Variants in LCA5L observed in about 807,000 individuals in gnomAD.
LCA5L encodes lebercilin-like protein.
In LCA5L, 35 loss-of-function variants were observed where a neutral mutation model predicts 45.4. The observed-to-expected ratio is 0.77, with a 90% CI of 0.59 to 1.02. The LOEUF (loss-of-function observed/expected upper bound fraction) is 1.02. Among genes scored for constraint, LCA5L ranks in the 50% least tolerant of loss-of-function variants. The pLI, the probability that LCA5L is intolerant of heterozygous loss-of-function variation, is 0.00. For missense variants in LCA5L, 668 were observed against 761.6 expected, an observed-to-expected ratio of 0.88 and a Z score of 1.45; for synonymous variants, 233 against 264.7, an observed-to-expected ratio of 0.88 and a Z score of 1.16.
At chr21:39,425,560 A>G (rs926208929) in intron 5 of LCA5L, among the ~76,000 whole-genome samples, 1 of 152,166 alleles carries the variant, frequency 6.6e-6, no homozygotes, top group Non-Finnish European at 1.5e-5. Flanking sequence ...CCTCTAGGAC[A>G]TCTACTAGAA....
At chr21:39,423,529 A>G in intron 5 of LCA5L, 39 bp from the exon 6 acceptor site, 1 of 1,496,952 alleles carries the variant, frequency 6.7e-7, no homozygotes, top group South Asian at 1.3e-5. Context: ...CTAGTAAAAT[A>G]TACAGATATG....
chr21:39,441,260 C>T (rs1050546100), intron 2 of LCA5L, among the ~76,000 whole-genome samples: 3 of 152,094 alleles, frequency 2.0e-5, no homozygotes, highest in Non-Finnish European at 4.4e-5. Flanking sequence ...GAGCTGTGAT[C>T]GCACAACTAC....
intron 1 of LCA5L, chr21:39,445,398 G>C (rs2077370035): frequency 6.6e-6 from 1 of 152,268 alleles, no homozygotes; most frequent in African/African-American, 2.4e-5. Flanking sequence ...CGGTGAGATC[G>C]GCCTCCGCCC....
chr21:39,427,015 C>A (rs2074841669), intron 5 of LCA5L, among the ~76,000 whole-genome samples: 2 of 152,322 alleles, frequency 1.3e-5, no homozygotes, highest in East Asian at 1.9e-4. Flanking sequence ...AATCCCTGTG[C>A]TATAGCAGGG....
At position 39,406,301 on chromosome 21, in the gene LCA5L, T is replaced by G; in HGVS notation, c.1594A>C (p.Asn532His). Residue 532 changes from asparagine to histidine, a missense_variant, in exon 11 of 11, where the codon AAC becomes CAC. Asn to His is a moderately conservative substitution (Grantham distance 68). Transcript: ENST00000288350. Reference sequence around the variant, plus strand: ...GAAGCAGGAAGCCCATGATGCAGGTTTTCAGTTGCTTCTGTGAATGAGTAA... The same window carrying G: ...GAAGCAGGAAGCCCATGATGCAGGTGTTCAGTTGCTTCTGTGAATGAGTAA... ...RHYSFTEATE[N>H]LHHGLPASGG... 1 of 1,614,220 alleles carries G rather than the reference T, an allele frequency of 6.2e-7. No individual in the cohort carries two copies. Among genetic ancestry groups the G allele is most frequent in the South Asian group, 1.1e-5 (1 of 91,086 alleles).
In LCA5L at chr21:39,423,293, A is replaced by C; in HGVS notation, c.520T>G (p.Phe174Val). Residue 174 changes from phenylalanine to valine, a missense_variant, in exon 6 of 11, where the codon TTT (phenylalanine) becomes GTT (valine). Physicochemically the swap from Phe to Val is conservative, Grantham distance 50 (BLOSUM62 -1). Coordinates refer to ENST00000288350, the MANE Select transcript of LCA5L (RefSeq NM_152505.4). The stretch of plus-strand genomic sequence containing the variant: ...TGCCTAAGCTGAAGTTGTTTCAAAA[A>C]TTGGTTTTCTGTAAGGATGGCTTCC... Reference protein sequence around the residue: ...KLEAILTENQFLKQLQLRHLK... With the variant: ...KLEAILTENQVLKQLQLRHLK... The C allele has an allele frequency of 6.2e-7, 1 of 1,608,920 alleles. No homozygotes were observed. Among genetic ancestry groups the C allele is most frequent in the Non-Finnish European group, 8.5e-7 (1 of 1,178,574 alleles).
chr21:39,441,205 A>T (rs1345580494), intron 2 of LCA5L, among the ~76,000 whole-genome samples: 1 of 152,078 alleles, frequency 6.6e-6, no homozygotes, highest in East Asian at 1.9e-4. Context: ...AGTCCCAGCC[A>T]CTCAGGAGGC....
intron 8 of LCA5L, chr21:39,411,105 C>T (rs1198018720): frequency 3.0e-6 from 1 of 336,766 alleles, no homozygotes; most frequent in Admixed American, 4.1e-5. Flanking sequence ...TGAACAAAAG[C>T]AGCCAGATAC....
chr21:39,419,536 G>T (rs74693568), intron 7 of LCA5L, among the ~76,000 whole-genome samples: 1 of 129,014 alleles, frequency 7.8e-6, no homozygotes, highest in Admixed American at 7.7e-5. Context: ...AAAAAAAAAA[G>T]AAAAAAGAAA....
rs1261782060 is a variant in LCA5L, at chr21:39,406,614, T to C, written c.1283-2A>G. 5 of 1,560,438 alleles carry C rather than the reference T, an allele frequency of 3.2e-6. No individual in the cohort carries two copies. The highest frequency in any genetic ancestry group is 4.3e-6 in the Non-Finnish European group (5 of 1,158,146). On this transcript the variant is annotated splice_acceptor_variant, in intron 10 of 10. Coordinates refer to ENST00000288350, the MANE Select transcript of LCA5L (RefSeq NM_152505.4). LOFTEE classifies it high-confidence loss of function. ...AATGTTTCTCTTCCCCTGATAAATC[T>C]ATATTAGAAAAATAGGCAATTTAGT...
At chr21:39,417,754 A>G (rs1234437426) in intron 7 of LCA5L, among the ~76,000 whole-genome samples, 1 of 151,762 alleles carries the variant, frequency 6.6e-6, no homozygotes, top group East Asian at 1.9e-4. Flanking sequence ...TTATTTATTT[A>G]TTTAATTTTT....
At chr21:39,423,740 G>A (rs372710181) in intron 5 of LCA5L, among the ~76,000 whole-genome samples, 1 of 152,140 alleles carries the variant, frequency 6.6e-6, no homozygotes, top group African/African-American at 2.4e-5. Flanking sequence ...TATAGCTGGA[G>A]ATTTTACATC....
At chr21:39,419,948 T>A (rs2042004689) in intron 7 of LCA5L, among the ~76,000 whole-genome samples, 1 of 152,190 alleles carries the variant, frequency 6.6e-6, no homozygotes, top group African/African-American at 2.4e-5. Flanking sequence ...TCAAACACAT[T>A]TTTAAGTAAA....
At chr21:39,442,281 G>A (rs545910468) in intron 2 of LCA5L, among the ~76,000 whole-genome samples, 7 of 152,326 alleles carry the variant, frequency 4.6e-5, no homozygotes, top group South Asian at 2.1e-4. Flanking sequence ...CTGAAGCCCA[G>A]TGAGAAGGGC....
At chr21:39,421,670 G>C (rs2073793095) in intron 6 of LCA5L, 1 of 152,076 alleles carries the variant, frequency 6.6e-6, no homozygotes, top group Admixed American at 6.6e-5. Context: ...CATAAAGTAG[G>C]ACCTCCTCCA....
At chr21:39,434,256 G>A (rs1194167594) in intron 3 of LCA5L, among the ~76,000 whole-genome samples, 5 of 152,184 alleles carry the variant, frequency 3.3e-5, no homozygotes, top group Admixed American at 3.3e-4. Flanking sequence ...GGCAATGAAT[G>A]TGTCCTGAAT....
chr21:39,425,405 A>G (rs1490265463), intron 5 of LCA5L, among the ~76,000 whole-genome samples: 1 of 152,264 alleles, frequency 6.6e-6, no homozygotes, highest in East Asian at 1.9e-4. Flanking sequence ...ACAACACAGT[A>G]TAACATCAAT....
intron 7 of LCA5L, among the ~76,000 whole-genome samples, chr21:39,412,148 A>G (rs761834220): frequency 6.6e-6 from 1 of 152,226 alleles, no homozygotes; most frequent in Non-Finnish European, 1.5e-5. Context: ...TTTCATTTAA[A>G]TGAAAGTAAA....
Position 39,420,777 on chromosome 21 carries a change from TC to T in LCA5L, c.903del (p.Lys302ArgfsTer3). 1 of 1,613,710 alleles carries T rather than the reference TC, an allele frequency of 6.2e-7. No homozygotes were observed. The highest frequency in any genetic ancestry group is 8.5e-7 in the Non-Finnish European group (1 of 1,179,654). ...AFSRQLAIET[R>X]KTLAAQTATK... ...GTAGCTGTCTGAGCTGCTAAAGTCT[TC>T]CGAGTCTCAATAGCCAGCTGCCGGC... On this transcript the variant is annotated frameshift_variant, in exon 7 of 11. Transcript: ENST00000288350. LOFTEE classifies it high-confidence loss of function.
Sources: gnomAD v4.1 joint callset for allele counts (sites outside exome capture counted in the v4.1 genomes callset) on GRCh38, gnomAD v4.1.1 for gene constraint, MANE v1.5 for transcripts, NCBI Gene and HGNC (gene_info 2026-07-23, HGNC 2026-07-21) for gene names.